The following LPP variants were observed in gnomAD, a reference collection of about 807,000 sequenced individuals.
LPP encodes the protein lipoma-preferred partner.
Under a neutral mutation model 60.4 loss-of-function variants are expected in LPP, and 38 were observed. The ratio of observed to expected loss-of-function variants is 0.63; its 90% confidence interval spans 0.49 to 0.83. The LOEUF is 0.83. LPP is among the 40% of genes least tolerant of loss of function. The pLI, the probability that LPP is intolerant of heterozygous loss-of-function variation, is 0.00. For synonymous variants in LPP, 328 were observed against 290.8 expected (o/e 1.13, Z -1.30); for missense variants, 902 against 783.6 (o/e 1.15, Z -1.80).
At chr3:188,592,557 G>GTTTTTTTTTTT (rs1553936333) in intron 6 of LPP, among the ~76,000 whole-genome samples, 2 of 85,790 alleles carry the variant, frequency 2.3e-5, no homozygotes, top group East Asian at 4.8e-4. Flanking sequence ...TTTTGTTTTT[G>GTTTTTTTTTTT]TTTTTTAAAT....
intron 3 of LPP, among the ~76,000 whole-genome samples, chr3:188,386,248 A>C (rs1778226901): frequency 7.2e-6 from 1 of 139,026 alleles, no homozygotes; most frequent in African/African-American, 2.6e-5. Context: ...GATAGCACTT[A>C]AGTCATAGCA....
intron 3 of LPP, among the ~76,000 whole-genome samples, chr3:188,376,934 G>A (rs1260179559): frequency 2.0e-5 from 3 of 152,188 alleles, no homozygotes; most frequent in Non-Finnish European, 4.4e-5. Flanking sequence ...TTGCTTGTCT[G>A]TAAAGTATTT....
At chr3:188,674,072 A>C (rs1352761407) in intron 7 of LPP, among the ~76,000 whole-genome samples, 1 of 152,050 alleles carries the variant, frequency 6.6e-6, no homozygotes, top group Non-Finnish European at 1.5e-5. Flanking sequence ...ACCTTTCTGG[A>C]ATATACTGCT....
At chr3:188,701,165 C>T (rs1290056826) in intron 7 of LPP, among the ~76,000 whole-genome samples, 2 of 152,110 alleles carry the variant, frequency 1.3e-5, no homozygotes, top group African/African-American at 4.8e-5. Flanking sequence ...GAGTTTCCTT[C>T]TTCATCAAGG....
chr3:188,256,635 A>G (rs1469640998), intron 2 of LPP, among the ~76,000 whole-genome samples: 3 of 152,218 alleles, frequency 2.0e-5, no homozygotes, highest in African/African-American at 7.2e-5. Flanking sequence ...CCTGATCAGG[A>G]AAACCTCCCA....
chr3:188,597,283 C>A (rs958656863), intron 6 of LPP, among the ~76,000 whole-genome samples: 10 of 152,124 alleles, frequency 6.6e-5, no homozygotes, highest in African/African-American at 2.4e-4. Flanking sequence ...TATTTCTTCT[C>A]AAAGAATCCT....
chr3:188,387,249 C>T (rs1296977437), intron 3 of LPP, among the ~76,000 whole-genome samples: 1 of 152,000 alleles, frequency 6.6e-6, no homozygotes, highest in Non-Finnish European at 1.5e-5. Flanking sequence ...ACCCATAAAT[C>T]TATTACCCAG....
chr3:188,421,367 A>G (rs1195498036), intron 4 of LPP, among the ~76,000 whole-genome samples: 1 of 152,178 alleles, frequency 6.6e-6, no homozygotes, highest in Non-Finnish European at 1.5e-5. Context: ...GAAAGCAGCC[A>G]TCTTTTTATA....
chr3:188,295,166 C>A (rs1445720228), intron 2 of LPP, among the ~76,000 whole-genome samples: 2 of 152,162 alleles, frequency 1.3e-5, no homozygotes, highest in Non-Finnish European at 2.9e-5. Flanking sequence ...GATTAAGTAT[C>A]CGGTGAAACC....
chr3:188,400,928 G>A (rs1782087451), intron 3 of LPP, among the ~76,000 whole-genome samples: 1 of 152,154 alleles, frequency 6.6e-6, no homozygotes, highest in Non-Finnish European at 1.5e-5. Context: ...TAGTTCATCT[G>A]TTCATTAAAC....
chr3:188,495,196 T>TTTATAA (rs10703864), intron 5 of LPP, among the ~76,000 whole-genome samples: 3 of 141,576 alleles, frequency 2.1e-5, no homozygotes, highest in Non-Finnish European at 4.6e-5. Flanking sequence ...TATATATATT[T>TTTATAA]ATAAATATAT....
chr3:188,436,990 A>G (rs895900672), intron 4 of LPP, among the ~76,000 whole-genome samples: 1 of 152,170 alleles, frequency 6.6e-6, no homozygotes, highest in African/African-American at 2.4e-5. Flanking sequence ...GGGATCAGAG[A>G]GGAAAAGAGT....
chr3:188,432,558 C>T (rs775582010), intron 4 of LPP, among the ~76,000 whole-genome samples: 1 of 151,430 alleles, frequency 6.6e-6, no homozygotes, highest in African/African-American at 2.4e-5. Flanking sequence ...ATTTGACCTA[C>T]GGCAAGAAGA....
intron 4 of LPP, among the ~76,000 whole-genome samples, chr3:188,469,135 ACT>A (rs1005872712): frequency 2.1e-4 from 32 of 152,080 alleles, no homozygotes; most frequent in African/African-American, 7.7e-4. Flanking sequence ...TATATTGTGA[ACT>A]CTGTATTCTA....
intron 6 of LPP, among the ~76,000 whole-genome samples, chr3:188,597,086 G>A (rs1044951339): frequency 6.6e-5 from 10 of 152,066 alleles, no homozygotes; most frequent in Admixed American, 1.3e-4. Context: ...GGTTAGGAAC[G>A]CTGGTTTCAG....
intron 9 of LPP, among the ~76,000 whole-genome samples, chr3:188,781,118 A>G (rs1051735933): frequency 3.9e-5 from 6 of 152,224 alleles, no homozygotes; most frequent in African/African-American, 1.2e-4. Context: ...CAGTTTATTC[A>G]TTGTGTAAAG....
chr3:188,365,117 CTTTT>C, intron 3 of LPP, among the ~76,000 whole-genome samples: 1 of 142,806 alleles, frequency 7.0e-6, no homozygotes, highest in Admixed American at 6.9e-5. Flanking sequence ...AATAGAAGCG[CTTTT>C]TTTTTTTTTT....
chr3:188,574,451 A>C (rs1834160736), intron 6 of LPP, among the ~76,000 whole-genome samples: 1 of 152,234 alleles, frequency 6.6e-6, no homozygotes, highest in Non-Finnish European at 1.5e-5. Flanking sequence ...AGAACATAAC[A>C]GTTTTTATAG....
At chr3:188,830,197 A>G in intron 9 of LPP, among the ~76,000 whole-genome samples, 1 of 151,982 alleles carries the variant, frequency 6.6e-6, no homozygotes. Context: ...AGATCTTTAG[A>G]ATTTCCAAGC....
Sources: gnomAD v4.1 joint callset for allele counts (sites outside exome capture counted in the v4.1 genomes callset) on GRCh38, gnomAD v4.1.1 for gene constraint, MANE v1.5 for transcripts, NCBI Gene and HGNC (gene_info 2026-07-23, HGNC 2026-07-21) for gene names.